The following LAMA4 variants were observed in gnomAD, a reference collection of about 807,000 sequenced individuals.
LAMA4 encodes the protein laminin subunit alpha 4, also known as laminin subunit alpha-4.
Under a neutral mutation model 207.1 loss-of-function variants are expected in LAMA4, and 127 were observed. That is an observed-to-expected ratio of 0.61 (90% CI 0.53 to 0.71). LAMA4 has a LOEUF of 0.71. LAMA4 is among the 30% of genes least tolerant of loss of function. The pLI is 0.00. For synonymous variants in LAMA4, 761 were observed against 816.0 expected (o/e 0.93, Z 1.15); for missense variants, 2,093 against 2,246.5 (o/e 0.93, Z 1.38).
rs1315719451 is a variant in LAMA4, at chr6:112,108,115, A to C, written c.*1322T>G. On this transcript the variant is annotated 3_prime_UTR_variant, in exon 39 of 39. Transcript: ENST00000230538. ...ATATACCAATATGTAATATATATAT[A>C]ATCATTTCAAGGTAACATTGTTTTA... Among the ~76,000 whole-genome samples, 1 of 152,136 alleles carries C rather than the reference A, an allele frequency of 6.6e-6. No individual in the cohort carries two copies. The highest frequency in any genetic ancestry group is 1.5e-5 in the Non-Finnish European group (1 of 68,024).
intron 28 of LAMA4, 36 bp from the exon 29 acceptor site, chr6:112,131,137 T>C (rs782080982): frequency 1.2e-6 from 2 of 1,608,066 alleles, no homozygotes; most frequent in Non-Finnish European, 1.7e-6. Context: ...GTAGGGAGTC[T>C]AGGGATCCAA....
chr6:112,150,887 C>T (rs1554335644), intron 16 of LAMA4, among the ~76,000 whole-genome samples: 1 of 152,010 alleles, frequency 6.6e-6, no homozygotes, highest in Admixed American at 6.5e-5. Context: ...AACATATAGC[C>T]CTGCCATGAC....
Position 112,118,870 on chromosome 6 carries a change from G to A in LAMA4, c.4821+286C>T, listed in dbSNP as rs1212465583. ...TACATTAAAAGTATGGGTACTTCCT[G>A]AACAAATAAGATCTCCTTGAGACAT... On this transcript the variant is annotated intron_variant, in intron 34 of 38. Coordinates refer to ENST00000230538, the MANE Select transcript of LAMA4 (RefSeq NM_001105206.3). This position sits in a 1 kb window ranked among gnomAD's most constrained non-coding sequence, Gnocchi z 4.6. Among the ~76,000 whole-genome samples the A allele has an allele frequency of 2.8e-4, 43 of 152,000 alleles. No homozygotes were observed. The highest frequency in any genetic ancestry group is 9.9e-4 in the African/African-American group (41 of 41,458).
chr6:112,156,933 T>TA (rs1263779308), intron 14 of LAMA4, among the ~76,000 whole-genome samples: 1 of 152,094 alleles, frequency 6.6e-6, no homozygotes, highest in African/African-American at 2.4e-5. Context: ...TTCATTTTTT[T>TA]TTCAATCAGA....
chr6:112,229,160 T>C (rs1400410360), intron 2 of LAMA4, among the ~76,000 whole-genome samples: 1 of 152,212 alleles, frequency 6.6e-6, no homozygotes, highest in Non-Finnish European at 1.5e-5. Context: ...AATTATTAAA[T>C]ACGACACCAG....
chr6:112,236,539 T>C (rs4947180), intron 2 of LAMA4: 40,560 of 152,084 alleles, frequency 0.27, 6,137 homozygotes, highest in Admixed American at 0.43. Flanking sequence ...TTAACAGTTG[T>C]TCAATATCAA....
intron 34 of LAMA4, 139 bp downstream of exon 34, chr6:112,119,017 A>T: frequency 1.2e-6 from 1 of 831,610 alleles, no homozygotes; most frequent in Non-Finnish European, 2.0e-6. Context: ...GACAGTACTT[A>T]CTTTGATATC....
chr6:112,133,527 A>C, intron 26 of LAMA4, 40 bp from the exon 27 acceptor site: 1 of 1,612,174 alleles, frequency 6.2e-7, no homozygotes, highest in Non-Finnish European at 8.5e-7. Context: ...AGCCATGATG[A>C]TGATGTTACC....
At chr6:112,147,170 T>C (rs1353103295) in intron 18 of LAMA4, among the ~76,000 whole-genome samples, 1 of 152,120 alleles carries the variant, frequency 6.6e-6, no homozygotes, top group Non-Finnish European at 1.5e-5. Flanking sequence ...GGGAAAAAAA[T>C]GTAACAGATT....
At chr6:112,226,290 A>T (rs966387552) in intron 2 of LAMA4, among the ~76,000 whole-genome samples, 1 of 152,208 alleles carries the variant, frequency 6.6e-6, no homozygotes, top group African/African-American at 2.4e-5. Flanking sequence ...ATTCCTTAGC[A>T]TGACATACAA....
rs1554343244 is a variant in LAMA4, at chr6:112,175,311, A to T, written c.1357+2T>A. 6.2e-7 allele frequency: 1 copy of T among 1,613,820 alleles called. No homozygotes were observed. The highest frequency in any genetic ancestry group is 8.5e-7 in the Non-Finnish European group (1 of 1,179,852). On this transcript the variant is annotated splice_donor_variant, in intron 11 of 38. Transcript: ENST00000230538. LOFTEE classifies it high-confidence loss of function. ...GGTCAGCTATGAGAGGAATACACCTACGTTCGTAAGCCTCATCTGCCTCCT... is the reference window on the plus strand; with the variant it reads ...GGTCAGCTATGAGAGGAATACACCTTCGTTCGTAAGCCTCATCTGCCTCCT...
intron 3 of LAMA4, among the ~76,000 whole-genome samples, chr6:112,210,698 A>T (rs1470926997): frequency 1.3e-5 from 2 of 152,144 alleles, no homozygotes; most frequent in Non-Finnish European, 2.9e-5. Flanking sequence ...TCATTTTCTC[A>T]TATGTGTAAG....
rs1554332649 is a variant in LAMA4, at chr6:112,139,883, G to A, written c.2979C>T (p.Leu993=). 6 of 1,613,850 alleles carry A rather than the reference G, an allele frequency of 3.7e-6. No individual in the cohort carries two copies. In the African/African-American group the frequency reaches 5.3e-5, roughly 14 times the overall value. The change falls in exon 23 of 39, where the codon CTC becomes CTT. Residue 993 remains leucine (L), a splice_region_variant and synonymous_variant. Transcript: ENST00000230538. ...YVGGVPSNFK[L]PTSLNLPGFV... ...AGCCAGGCAGGTTTAAGCTGGTAGGGAGCTATGCAATAGAAAAAGTAAAAC... is the reference window on the plus strand; with the variant it reads ...AGCCAGGCAGGTTTAAGCTGGTAGGAAGCTATGCAATAGAAAAAGTAAAAC...
chr6:112,136,067 A>G lies in LAMA4; in HGVS notation c.3414+56T>C, dbSNP rs1403762018. On this transcript the variant is annotated intron_variant, in intron 25 of 38. Transcript: ENST00000230538. Reference sequence around the variant, plus strand: ...CTCATTTGACTGCCTGATTAGATCAACAGATCTAAGTATAAAGAACAAAAA... The same window carrying G: ...CTCATTTGACTGCCTGATTAGATCAGCAGATCTAAGTATAAAGAACAAAAA... The G allele has an allele frequency of 3.4e-6, 5 of 1,490,200 alleles. No homozygotes were observed. In the East Asian group the frequency reaches 6.8e-5, roughly 20 times the overall value. The allele number at this position is 1,490,200 out of a possible 1,614,324, so 92.3% of individuals were successfully genotyped here.
intron 6 of LAMA4, 92 bp downstream of exon 6, chr6:112,191,544 A>G (rs545360341): frequency 4.2e-6 from 4 of 959,254 alleles, no homozygotes; most frequent in African/African-American, 1.6e-5. Flanking sequence ...GGCACTCACA[A>G]TACTTCCCCA....
At chr6:112,115,558 TTA>T (rs1299909674) in intron 36 of LAMA4, among the ~76,000 whole-genome samples, 1 of 152,178 alleles carries the variant, frequency 6.6e-6, no homozygotes, top group Non-Finnish European at 1.5e-5. Context: ...ATTTTGATAG[TTA>T]TGTTTGCTGA....
At chr6:112,194,583 CT>C (rs1357007240) in intron 5 of LAMA4, among the ~76,000 whole-genome samples, 1 of 152,188 alleles carries the variant, frequency 6.6e-6, no homozygotes, top group East Asian at 1.9e-4. Flanking sequence ...CAAACCCCTA[CT>C]TTTATATATA....
At position 112,114,076 on chromosome 6, in the gene LAMA4, C is replaced by T. The variant is rs782765309; in HGVS notation, c.5326G>A (p.Glu1776Lys). The T allele has an allele frequency of 3.1e-6, 5 of 1,613,866 alleles. 1 individual carries two copies. The South Asian group carries it at 4.4e-5, about 14-fold the overall frequency. Reference sequence around the variant, plus strand: ...CTTTTCCTTTTTAAACAACACTTACCTGGAACACCTCCAACAAACACAGGC... The same window carrying T: ...CTTTTCCTTTTTAAACAACACTTACTTGGAACACCTCCAACAAACACAGGC... ...REPVFVGGVP[E>K]SLLTPRLAPS... The change falls in exon 38 of 39, where the codon GAA becomes AAA. Residue 1776 changes from glutamate (E) to lysine (K), a missense_variant and splice_region_variant. Glu to Lys is a moderately conservative substitution (Grantham distance 56). Coordinates refer to ENST00000230538, the MANE Select transcript of LAMA4 (RefSeq NM_001105206.3).
intron 7 of LAMA4, 22 bp from the exon 8 acceptor site, chr6:112,187,623 A>T: frequency 6.2e-7 from 1 of 1,611,976 alleles, no homozygotes; most frequent in Non-Finnish European, 8.5e-7. Context: ...ACATTTCTTC[A>T]GAATCACAAG....
Sources: allele counts gnomAD v4.1 joint callset (sites outside exome capture counted in the v4.1 genomes callset), GRCh38; gene constraint gnomAD v4.1.1; non-coding constraint Gnocchi (gnomAD v3.1); transcripts MANE v1.5; gene names NCBI Gene and HGNC (gene_info 2026-07-23, HGNC 2026-07-21).